EVI5: variants seen among roughly 807,000 people sequenced by gnomAD.
EVI5 encodes the protein ecotropic viral integration site 5, also known as ecotropic viral integration site 5 protein homolog.
Under a neutral mutation model 112.0 loss-of-function variants are expected in EVI5, and 73 were observed. That is an observed-to-expected ratio of 0.65 (90% CI 0.54 to 0.79). EVI5 has a LOEUF of 0.79. EVI5 is among the 30% of genes least tolerant of loss of function. The pLI, the probability that EVI5 is intolerant of heterozygous loss-of-function variation, is 0.00. For synonymous variants in EVI5, 305 were observed against 319.9 expected (o/e 0.95, Z 0.50); for missense variants, 900 against 968.8 (o/e 0.93, Z 0.94).
At position 92,736,514 on chromosome 1, in the gene EVI5, T is replaced by G. The variant is rs560906275; in HGVS notation, c.33A>C (p.Ser11=). 2 of 1,613,912 alleles carry G rather than the reference T, an allele frequency of 1.2e-6. No homozygotes were observed. The highest frequency in any genetic ancestry group is 2.2e-5 in the South Asian group (2 of 91,074). Residue 11 remains serine (S), a synonymous_variant, in exon 2 of 20, where the codon TCA becomes TCC. Transcript: ENST00000684568. ...TGGTAGATGAGGATGTGGTATGTAA[T>G]GAAGTAGATGGACTTGCCACCTGAC... is the stretch of plus-strand genomic sequence containing the variant. MASQVASPST[S]LHTTSSSTTL...
intron 19 of EVI5, among the ~76,000 whole-genome samples, chr1:92,544,669 A>G (rs906349775): frequency 2.0e-5 from 3 of 152,190 alleles, no homozygotes; most frequent in Admixed American, 6.5e-5. Context: ...ACTTTTTTTC[A>G]GAAATTATAA....
At chr1:92,597,079 AAAGAT>A (rs1280110573) in intron 18 of EVI5, among the ~76,000 whole-genome samples, 5 of 152,212 alleles carry the variant, frequency 3.3e-5, no homozygotes, top group African/African-American at 9.6e-5. Flanking sequence ...AAAACTTGTC[AAAGAT>A]AAGAGGCTAA....
At chr1:92,595,747 G>A (rs1048922416) in intron 18 of EVI5, among the ~76,000 whole-genome samples, 4 of 152,112 alleles carry the variant, frequency 2.6e-5, no homozygotes, top group East Asian at 1.9e-4. Flanking sequence ...GCAACAATTC[G>A]AGCAGGAAGG....
At chr1:92,733,564 C>T (rs1261714733) in intron 2 of EVI5, among the ~76,000 whole-genome samples, 2 of 151,870 alleles carry the variant, frequency 1.3e-5, no homozygotes, top group African/African-American at 2.4e-5. Context: ...CGCCACCACA[C>T]CCAGCTAATT....
At chr1:92,713,642 T>A (rs886325682) in intron 2 of EVI5, among the ~76,000 whole-genome samples, 3 of 151,944 alleles carry the variant, frequency 2.0e-5, no homozygotes, top group African/African-American at 7.3e-5. Context: ...CCAGGCACAG[T>A]GGTGCATGCC....
At chr1:92,536,885 G>GT (rs1663997004) in intron 19 of EVI5, among the ~76,000 whole-genome samples, 1 of 151,994 alleles carries the variant, frequency 6.6e-6, no homozygotes, top group Non-Finnish European at 1.5e-5. Flanking sequence ...TTAAAGAGAC[G>GT]TAACAAGTTA....
chr1:92,653,974 C>A (rs1349073712), intron 13 of EVI5, among the ~76,000 whole-genome samples: 1 of 152,054 alleles, frequency 6.6e-6, no homozygotes, highest in African/African-American at 2.4e-5. Context: ...TGGCTCCCTG[C>A]CTCTCTGCAG....
intron 1 of EVI5, among the ~76,000 whole-genome samples, chr1:92,765,256 T>C (rs1427714532): frequency 1.4e-5 from 2 of 140,210 alleles, no homozygotes; most frequent in Non-Finnish European, 3.0e-5. Context: ...GGTCTCACCA[T>C]GTTGCCCAGG....
At chr1:92,704,158 T>TA (rs1318393899) in intron 3 of EVI5, among the ~76,000 whole-genome samples, 13 of 151,112 alleles carry the variant, frequency 8.6e-5, no homozygotes, top group Admixed American at 6.6e-4. Context: ...AAAAGGAAAA[T>TA]AAAAAATTAG....
intron 18 of EVI5, among the ~76,000 whole-genome samples, chr1:92,602,142 TTATAA>T (rs2101537779): frequency 6.6e-6 from 1 of 152,292 alleles, no homozygotes; most frequent in South Asian, 2.1e-4. Flanking sequence ...AAAAATGAAG[TTATAA>T]TATAATATGT....
chr1:92,684,335 TACAG>T (rs1268881543), intron 9 of EVI5, among the ~76,000 whole-genome samples: 1 of 152,194 alleles, frequency 6.6e-6, no homozygotes, highest in Non-Finnish European at 1.5e-5. Context: ...TAAAATTCTT[TACAG>T]ACACAGAAAT....
At chr1:92,649,790 G>A (rs891228791) in intron 13 of EVI5, among the ~76,000 whole-genome samples, 2 of 152,150 alleles carry the variant, frequency 1.3e-5, no homozygotes, top group Admixed American at 6.5e-5. Context: ...CGAGCCTGGC[G>A]ACAGAGAAAG....
At chr1:92,592,320 A>C (rs1674098025) in intron 18 of EVI5, among the ~76,000 whole-genome samples, 1 of 152,232 alleles carries the variant, frequency 6.6e-6, no homozygotes, top group South Asian at 2.1e-4. Context: ...CTGAATGACT[A>C]CTGGGTACAT....
chr1:92,749,581 T>G (rs1329988660), intron 1 of EVI5, among the ~76,000 whole-genome samples: 1 of 151,848 alleles, frequency 6.6e-6, no homozygotes, highest in Non-Finnish European at 1.5e-5. Context: ...AAAGGGTAAT[T>G]TCTACATATA....
rs190881936 is a variant in EVI5 at position 92,784,120 on chromosome 1, C to T, written c.-82+716G>A. ...AAAGCGAGGAAACCATTCCAAAAGGCTTGGTTTAACTCTTGGGTGAAAGGA... is the reference window on the plus strand; with the variant it reads ...AAAGCGAGGAAACCATTCCAAAAGGTTTGGTTTAACTCTTGGGTGAAAGGA... On this transcript the variant is annotated intron_variant, in intron 1 of 19. Coordinates refer to ENST00000684568, the MANE Select transcript of EVI5 (RefSeq NM_001350197.2). 5 of 168,902 alleles carry T rather than the reference C, an allele frequency of 3.0e-5. No individual in the cohort carries two copies. In the East Asian group the frequency reaches 9.5e-4, roughly 32 times the overall value. 10.5% of individuals were successfully genotyped at this position (168,902 alleles called of 1,614,324 possible). A position where few individuals can be genotyped will look rare whatever the true frequency, so the allele number is the denominator to read the frequency against.
At chr1:92,740,927 G>T (rs1245724799) in intron 1 of EVI5, among the ~76,000 whole-genome samples, 3 of 152,096 alleles carry the variant, frequency 2.0e-5, no homozygotes, top group African/African-American at 7.2e-5. Flanking sequence ...ACTCTGATAT[G>T]AAATTTTGAC....
At chr1:92,735,539 T>C (rs1207960083) in intron 2 of EVI5, among the ~76,000 whole-genome samples, 3 of 149,700 alleles carry the variant, frequency 2.0e-5, no homozygotes, top group Admixed American at 1.3e-4. Context: ...CCAGTAGCAT[T>C]ATATAGCTTG....
intron 19 of EVI5, among the ~76,000 whole-genome samples, chr1:92,532,899 T>C (rs1464729490): frequency 1.3e-5 from 2 of 151,450 alleles, no homozygotes; most frequent in Non-Finnish European, 2.9e-5. Flanking sequence ...AGCAAACAAA[T>C]TCAAAAGCTA....
chr1:92,749,104 A>G lies in EVI5; in HGVS notation c.-81-12477T>C, dbSNP rs553384074. ...AAAAAAAGAAAAAGAAAACCTTCATAGCTACTTTATTCTTAATAGCCAAAT... is the reference window on the plus strand; with the variant it reads ...AAAAAAAGAAAAAGAAAACCTTCATGGCTACTTTATTCTTAATAGCCAAAT... On this transcript the variant is annotated intron_variant, in intron 1 of 19. Transcript: ENST00000684568. 1.7e-4 allele frequency: 29 copies of G among 166,840 alleles called. No individual in the cohort carries two copies. In the South Asian group the frequency reaches 4.9e-3, roughly 28 times the overall value. The allele number at this position is 166,840 out of a possible 1,614,324, so 10.3% of individuals were successfully genotyped here.
Sources: gnomAD v4.1 joint callset for allele counts (sites outside exome capture counted in the v4.1 genomes callset) on GRCh38, gnomAD v4.1.1 for gene constraint, MANE v1.5 for transcripts, NCBI Gene and HGNC (gene_info 2026-07-23, HGNC 2026-07-21) for gene names.